Variants in DYNC2H1 observed in about 807,000 individuals in gnomAD.
DYNC2H1 encodes the protein dynein cytoplasmic 2 heavy chain 1, also known as cytoplasmic dynein 2 heavy chain 1.
DYNC2H1 carries 410 observed loss-of-function variants against 570.0 expected under a neutral mutation model. The ratio of observed to expected loss-of-function variants is 0.72; its 90% CI spans 0.66 to 0.78. The LOEUF is 0.78. Ranked by LOEUF, DYNC2H1 falls within the 30% of genes least tolerant of loss-of-function variation. The pLI, the probability that DYNC2H1 is intolerant of heterozygous loss-of-function variation, is 0.00. For synonymous variants in DYNC2H1, 1,688 were observed against 1,677.6 expected, an observed-to-expected ratio of 1.01 and a Z score of -0.15; for missense variants, 4,865 against 5,046.4, an observed-to-expected ratio of 0.96 and a Z score of 1.09.
intron 84 of DYNC2H1, among the ~76,000 whole-genome samples, chr11:103,413,808 C>G (rs1395460459): frequency 6.6e-6 from 1 of 152,140 alleles, no homozygotes; most frequent in African/African-American, 2.4e-5. Flanking sequence ...CTGCATATAA[C>G]AAGAATCTTT....
At chr11:103,258,235 A>G (rs1865140804) in intron 69 of DYNC2H1, among the ~76,000 whole-genome samples, 1 of 152,224 alleles carries the variant, frequency 6.6e-6, no homozygotes, top group Admixed American at 6.5e-5. Flanking sequence ...AAAAGATACA[A>G]TACTGTGCTT....
chr11:103,137,283 A>G (rs1486063602), intron 17 of DYNC2H1, among the ~76,000 whole-genome samples: 3 of 145,654 alleles, frequency 2.1e-5, no homozygotes, highest in Non-Finnish European at 3.0e-5. Flanking sequence ...TTGGTGTTTT[A>G]GACATGAAGT....
At chr11:103,405,225 A>G (rs1942811891) in intron 84 of DYNC2H1, 1 of 151,928 alleles carries the variant, frequency 6.6e-6, no homozygotes, top group South Asian at 2.1e-4. Flanking sequence ...GTCAGTTAAT[A>G]GTATGGTAAT....
At chr11:103,165,449 A>G (rs1861265685) in intron 30 of DYNC2H1, among the ~76,000 whole-genome samples, 1 of 152,156 alleles carries the variant, frequency 6.6e-6, no homozygotes, top group African/African-American at 2.4e-5. Flanking sequence ...TTAGTTTAGG[A>G]GAATACTGGA....
At chr11:103,137,704 A>T (rs12279083) in intron 17 of DYNC2H1, among the ~76,000 whole-genome samples, 5,241 of 152,094 alleles carry the variant, frequency 0.034, 312 homozygotes, top group African/African-American at 0.12. Context: ...TGACTTGGCA[A>T]TGTGGGCTCT....
Position 103,186,014 on chromosome 11 carries a change from T to A in DYNC2H1, c.6634-228T>A, listed in dbSNP as rs1456236907. On this transcript the variant is annotated intron_variant, in intron 41 of 88. Transcript: ENST00000375735. This position sits in a 1 kb window ranked among gnomAD's most constrained non-coding sequence, Gnocchi z 4.5. ...TTATACCTTAGTGTATAAATAAATA[T>A]CCACTATGTCATTATCTCCTATATA... 1.3e-5 allele frequency among the ~76,000 whole-genome samples: 2 copies of A among 151,976 alleles called. No homozygotes were observed. The highest frequency in any genetic ancestry group is 2.9e-5 in the Non-Finnish European group (2 of 67,946).
chr11:103,346,448 T>C (rs139419525), intron 82 of DYNC2H1, among the ~76,000 whole-genome samples: 256 of 152,330 alleles, frequency 1.7e-3, no homozygotes, highest in African/African-American at 5.8e-3. Context: ...TGTAATAACT[T>C]CTGATTTCTA....
At chr11:103,433,392 T>C (rs185333819) in intron 84 of DYNC2H1, among the ~76,000 whole-genome samples, 14 of 152,236 alleles carry the variant, frequency 9.2e-5, no homozygotes, top group Admixed American at 9.2e-4. Flanking sequence ...CTTAACCATC[T>C]ATAGATGAAT....
At chr11:103,462,504 G>A (rs1461348450) in intron 87 of DYNC2H1, among the ~76,000 whole-genome samples, 3 of 152,014 alleles carry the variant, frequency 2.0e-5, no homozygotes, top group Admixed American at 6.6e-5. Flanking sequence ...ATCATTGCTT[G>A]GATAACTACG....
intron 70 of DYNC2H1, among the ~76,000 whole-genome samples, chr11:103,278,355 C>G (rs767201774): frequency 2.6e-5 from 4 of 151,954 alleles, no homozygotes; most frequent in Non-Finnish European, 5.9e-5. Flanking sequence ...TCCTAGGTAC[C>G]ATGCTAAGTG....
chr11:103,432,034 A>T (rs1192559933), intron 84 of DYNC2H1, among the ~76,000 whole-genome samples: 1 of 152,110 alleles, frequency 6.6e-6, no homozygotes, highest in South Asian at 2.1e-4. Context: ...AGTGGATCAG[A>T]CCAGCCGCCG....
At position 103,147,797 on chromosome 11, in the gene DYNC2H1, A is replaced by G. The variant is rs761989846; in HGVS notation, c.2728A>G (p.Ile910Val). 6.2e-7 allele frequency: 1 copy of G among 1,609,054 alleles called. No homozygotes were observed. Among genetic ancestry groups the G allele is most frequent in the Admixed American group, 1.7e-5 (1 of 59,276 alleles). The change falls in exon 19 of 89, where the codon ATT (isoleucine) becomes GTT (valine). Residue 910 changes from isoleucine (I) to valine (V), a missense_variant. Transcript: ENST00000375735. ...PSAVKVDCLN[I>V]NCNPVKTVID... is the part of the protein sequence containing the mutation. ...TGCTGTCAAGGTAGATTGTTTAAAT[A>G]TTAATTGCAACCCTGTGAAGACTGT...
chr11:103,150,101 A>G (rs777349636), intron 20 of DYNC2H1, among the ~76,000 whole-genome samples: 6 of 152,216 alleles, frequency 3.9e-5, no homozygotes, highest in Non-Finnish European at 7.3e-5. Flanking sequence ...TATTCAAGGA[A>G]GAGAATGGTA....
At chr11:103,436,764 T>C (rs911103645) in intron 85 of DYNC2H1, among the ~76,000 whole-genome samples, 10 of 152,142 alleles carry the variant, frequency 6.6e-5, no homozygotes, top group Admixed American at 5.9e-4. Context: ...CCACATTTCA[T>C]TCTCAATTTT....
intron 72 of DYNC2H1, among the ~76,000 whole-genome samples, chr11:103,282,775 T>A (rs1866191426): frequency 6.6e-6 from 1 of 152,040 alleles, no homozygotes; most frequent in Non-Finnish European, 1.5e-5. Flanking sequence ...TTTCTGAAGT[T>A]TCATGAAAGA....
chr11:103,244,356 T>A lies in DYNC2H1; in HGVS notation c.9918+565T>A, dbSNP rs954726752. On this transcript the variant is annotated intron_variant, in intron 64 of 88. Transcript: ENST00000375735. The surrounding 1 kb of genome is among the most constrained non-coding windows in gnomAD (Gnocchi z 4.3). ...AAATTATTTTTGGTTAGGTTATTAT[T>A]TTGTTAAAGGAAGACCTAATATATG... Among the ~76,000 whole-genome samples the A allele has an allele frequency of 2.0e-5, 3 of 151,932 alleles. No homozygotes were observed. Among genetic ancestry groups the A allele is most frequent in the African/African-American group, 2.4e-5 (1 of 41,426 alleles).
intron 84 of DYNC2H1, among the ~76,000 whole-genome samples, chr11:103,420,569 A>G (rs1453280993): frequency 2.0e-5 from 3 of 152,218 alleles, no homozygotes; most frequent in African/African-American, 7.2e-5. Flanking sequence ...TTGGGGGCCA[A>G]TATTCAACAT....
intron 29 of DYNC2H1, 81 bp downstream of exon 29, chr11:103,161,125 T>C (rs775241898): frequency 3.9e-6 from 3 of 771,088 alleles, no homozygotes; most frequent in African/African-American, 3.7e-5. Flanking sequence ...TTAGTCAATT[T>C]AGAGGGTAAA....
chr11:103,115,585 G>T (rs1858345016), intron 4 of DYNC2H1, among the ~76,000 whole-genome samples: 1 of 152,118 alleles, frequency 6.6e-6, no homozygotes. Context: ...ATCACTTGAG[G>T]TCAGGAGTTC....
Sources: allele counts gnomAD v4.1 joint callset (sites outside exome capture counted in the v4.1 genomes callset), GRCh38; gene constraint gnomAD v4.1.1; non-coding constraint Gnocchi (gnomAD v3.1); transcripts MANE v1.5; gene names NCBI Gene and HGNC (gene_info 2026-07-23, HGNC 2026-07-21).